The following NEMP2 variants were observed in gnomAD, a reference collection of about 807,000 sequenced individuals.
The protein encoded by NEMP2 is nuclear envelope integral membrane protein 2.
Under a neutral mutation model 54.2 loss-of-function variants are expected in NEMP2, and 53 were observed. The ratio of observed to expected loss-of-function variants is 0.98; its 90% CI spans 0.78 to 1.23. The LOEUF (loss-of-function observed/expected upper bound fraction) is 1.23. NEMP2 is among the 50% of genes most tolerant of loss of function. NEMP2 has a pLI of 0.00. For synonymous variants in NEMP2, 197 were observed against 190.3 expected (o/e 1.04, Z -0.29); for missense variants, 455 against 511.3 (o/e 0.89, Z 1.06).
the NEMP2 span, among the ~76,000 whole-genome samples, chr2:190,455,672 G>A: frequency 3.9e-5 from 6 of 152,202 alleles, no homozygotes; most frequent in East Asian, 1.2e-3. Context: ...TTAAAAATTG[G>A]AGAACATTAT....
chr2:190,496,322 T>C, the NEMP2 span, among the ~76,000 whole-genome samples: 1 of 152,012 alleles, frequency 6.6e-6, no homozygotes, highest in African/African-American at 2.4e-5. This position sits in a 1 kb window ranked among gnomAD's most constrained non-coding sequence, Gnocchi z 4.7. Context: ...TATCAAATAA[T>C]CAAAAAATAA....
the NEMP2 span, among the ~76,000 whole-genome samples, chr2:190,547,409 T>C: frequency 1.3e-4 from 19 of 147,196 alleles, no homozygotes; most frequent in Admixed American, 2.0e-4. The surrounding 1 kb of genome is among the most constrained non-coding windows in gnomAD (Gnocchi z 6.2). Flanking sequence ...TGACTCAAAA[T>C]GGGAGTTGCT....
Position 190,519,328 on chromosome 2 carries a change from C to T in NEMP2, c.214-145G>A, listed in dbSNP as rs1199874240. 2 of 601,286 alleles carry T rather than the reference C, an allele frequency of 3.3e-6. No individual in the cohort carries two copies. Among genetic ancestry groups the T allele is most frequent in the Non-Finnish European group, 5.8e-6 (2 of 345,618 alleles). 37.2% of individuals were successfully genotyped at this position (601,286 alleles called of 1,614,324 possible). A position where few individuals can be genotyped will look rare whatever the true frequency, so the allele number is the denominator to read the frequency against. Reference sequence around the variant, plus strand: ...CCTGTGCCTCCAGGGCTCAGGTGACCCTCCCACTTCAGCCTCCCAAGTAGC... The same window carrying T: ...CCTGTGCCTCCAGGGCTCAGGTGACTCTCCCACTTCAGCCTCCCAAGTAGC... On this transcript the variant is annotated intron_variant, in intron 2 of 8. Coordinates refer to ENST00000409150, the MANE Select transcript of NEMP2 (RefSeq NM_001142645.2). The surrounding 1 kb of genome is among the most constrained non-coding windows in gnomAD (Gnocchi z 5.4).
At chr2:190,482,109 T>G in the NEMP2 span, among the ~76,000 whole-genome samples, 590 of 152,300 alleles carry the variant, frequency 3.9e-3, 5 homozygotes, top group South Asian at 0.017. Context: ...TGCAGAGGTG[T>G]GTCACTCCCT....
chr2:190,458,412 CCAA>C, the NEMP2 span, among the ~76,000 whole-genome samples: 1 of 152,010 alleles, frequency 6.6e-6, no homozygotes, highest in African/African-American at 2.4e-5. This position sits in a 1 kb window ranked among gnomAD's most constrained non-coding sequence, Gnocchi z 5.3. Flanking sequence ...TGTCTGCAAG[CCAA>C]CGAGAGGGGC....
chr2:190,484,885 G>A, the NEMP2 span, among the ~76,000 whole-genome samples: 1 of 152,056 alleles, frequency 6.6e-6, no homozygotes, highest in African/African-American at 2.4e-5. Context: ...CAAGCAGAGT[G>A]GCTTTCATTC....
At chr2:190,511,002 G>C (rs1009111936) in intron 7 of NEMP2, among the ~76,000 whole-genome samples, 5 of 152,078 alleles carry the variant, frequency 3.3e-5, no homozygotes, top group African/African-American at 9.7e-5. Context: ...CTGAGGTATA[G>C]AGAACATGTA....
chr2:190,595,001 T>A, the NEMP2 span, among the ~76,000 whole-genome samples: 9 of 152,194 alleles, frequency 5.9e-5, no homozygotes, highest in African/African-American at 2.2e-4. This position sits in a 1 kb window ranked among gnomAD's most constrained non-coding sequence, Gnocchi z 4.0. Flanking sequence ...TTTTAAAAAT[T>A]GGTATCATAT....
At chr2:190,469,596 C>T in the NEMP2 span, 13 of 352,708 alleles carry the variant, frequency 3.7e-5, no homozygotes, top group South Asian at 1.6e-3. The surrounding 1 kb of genome is among the most constrained non-coding windows in gnomAD (Gnocchi z 5.3). Context: ...CTTCAGTTTT[C>T]CCACTCCTGA....
At chr2:190,490,346 G>A in the NEMP2 span, among the ~76,000 whole-genome samples, 128 of 151,790 alleles carry the variant, frequency 8.4e-4, no homozygotes, top group Non-Finnish European at 1.4e-3. The surrounding 1 kb of genome is among the most constrained non-coding windows in gnomAD (Gnocchi z 4.5). Context: ...GGTGGATCAC[G>A]AGGTTAGGAG....
the NEMP2 span, among the ~76,000 whole-genome samples, chr2:190,448,614 A>G: frequency 6.6e-6 from 1 of 152,240 alleles, no homozygotes; most frequent in African/African-American, 2.4e-5. Context: ...ATAAATTTTA[A>G]AAGTTTAGCA....
At chr2:190,578,574 T>C in the NEMP2 span, among the ~76,000 whole-genome samples, 2 of 152,000 alleles carry the variant, frequency 1.3e-5, no homozygotes, top group African/African-American at 2.4e-5. This position sits in a 1 kb window ranked among gnomAD's most constrained non-coding sequence, Gnocchi z 4.4. Context: ...GTAGTATATA[T>C]GGTGTTAAGA....
At position 190,510,256 on chromosome 2, in the gene NEMP2, G is replaced by C; in HGVS notation, c.1130+105C>G. The C allele has an allele frequency of 1.5e-6, 2 of 1,344,630 alleles. No homozygotes were observed. The highest frequency in any genetic ancestry group is 2.0e-6 in the Non-Finnish European group (2 of 990,232). 83.3% of individuals were successfully genotyped at this position (1,344,630 alleles called of 1,614,324 possible). ...CAACTTCCACATCATCTGTTATCCA[G>C]GGAAACAGTCTATTTCTACCCTGAA... On this transcript the variant is annotated intron_variant, in intron 8 of 8. Transcript: ENST00000409150. The surrounding 1 kb of genome is among the most constrained non-coding windows in gnomAD (Gnocchi z 5.7).
At chr2:190,515,631 C>T (rs1336431019) in intron 6 of NEMP2, among the ~76,000 whole-genome samples, 6 of 152,036 alleles carry the variant, frequency 3.9e-5, no homozygotes, top group South Asian at 2.1e-4. Flanking sequence ...AAAAGAAGAA[C>T]GAGCTAAAAA....
In NEMP2 at chr2:190,518,821, A is replaced by G. The variant is rs758670098; in HGVS notation, c.446-13T>C. 40 of 1,538,042 alleles carry G rather than the reference A, an allele frequency of 2.6e-5. No homozygotes were observed. Among genetic ancestry groups the G allele is most frequent in the Non-Finnish European group, 3.4e-5 (39 of 1,143,692 alleles). The stretch of plus-strand genomic sequence containing the variant: ...TTGAAATCCATGACTGGAGTAAAAA[A>G]GACACACAAACACATAACAAAGATT... On this transcript the variant is annotated splice_polypyrimidine_tract_variant and intron_variant, in intron 3 of 8. Transcript: ENST00000409150.
At chr2:190,467,305 T>G in the NEMP2 span, among the ~76,000 whole-genome samples, 2 of 152,128 alleles carry the variant, frequency 1.3e-5, no homozygotes, top group South Asian at 4.1e-4. The surrounding 1 kb of genome is among the most constrained non-coding windows in gnomAD (Gnocchi z 5.5). Context: ...GTTACCATGG[T>G]AAATCTGATG....
chr2:190,524,120 G>A (rs569932154), intron 2 of NEMP2, among the ~76,000 whole-genome samples: 142 of 152,010 alleles, frequency 9.3e-4, no homozygotes, highest in African/African-American at 3.3e-3. Context: ...GAAAGGCTGA[G>A]GTGGGAGAAT....
At position 190,510,061 on chromosome 2, in the gene NEMP2, G is replaced by T. The variant is rs1321517424; in HGVS notation, c.1130+300C>A. On this transcript the variant is annotated intron_variant, in intron 8 of 8. Transcript: ENST00000409150. This position sits in a 1 kb window ranked among gnomAD's most constrained non-coding sequence, Gnocchi z 5.7. Reference sequence around the variant, plus strand: ...ATCTAAAACAAAACAAAACAAAAAAGATTTTCCCCACCAATAGGGTGAGAA... The same window carrying T: ...ATCTAAAACAAAACAAAACAAAAAATATTTTCCCCACCAATAGGGTGAGAA... 6.6e-6 allele frequency among the ~76,000 whole-genome samples: 1 copy of T among 152,122 alleles called. No homozygotes were observed. Among genetic ancestry groups the T allele is most frequent in the East Asian group, 1.9e-4 (1 of 5,192 alleles).
At chr2:190,447,809 T>G in the NEMP2 span, among the ~76,000 whole-genome samples, 1 of 152,194 alleles carries the variant, frequency 6.6e-6, no homozygotes, top group Non-Finnish European at 1.5e-5. This position sits in a 1 kb window ranked among gnomAD's most constrained non-coding sequence, Gnocchi z 4.5. Context: ...AATTGAAGAA[T>G]TTATGATCAG....
Sources: allele counts gnomAD v4.1 joint callset (sites outside exome capture counted in the v4.1 genomes callset), GRCh38; gene constraint gnomAD v4.1.1; non-coding constraint Gnocchi (gnomAD v3.1); transcripts MANE v1.5; gene names NCBI Gene and HGNC (gene_info 2026-07-23, HGNC 2026-07-21).